LRCH3: variants seen among roughly 807,000 people sequenced by gnomAD.
LRCH3 encodes the protein leucine rich repeats and calponin homology domain containing 3, also known as DISP complex protein LRCH3.
LRCH3 carries 68 observed loss-of-function variants against 104.5 expected under a neutral mutation model. The ratio of observed to expected loss-of-function variants is 0.65; its 90% CI spans 0.54 to 0.80. The LOEUF is 0.80. Ranked by LOEUF, LRCH3 falls within the 30% of genes least tolerant of loss-of-function variation. LRCH3 has a pLI of 0.00. For synonymous variants in LRCH3, 344 were observed against 361.3 expected (o/e 0.95, Z 0.54); for missense variants, 951 against 953.9 (o/e 1.00, Z 0.04).
At chr3:197,798,521 G>A (rs1029728514) in intron 1 of LRCH3, among the ~76,000 whole-genome samples, 1 of 152,204 alleles carries the variant, frequency 6.6e-6, no homozygotes, top group Non-Finnish European at 1.5e-5. Flanking sequence ...GACATGTGGC[G>A]GGTGAGCCAA....
At chr3:197,819,925 G>T (rs931602956) in intron 3 of LRCH3, among the ~76,000 whole-genome samples, 1 of 152,050 alleles carries the variant, frequency 6.6e-6, no homozygotes, top group Non-Finnish European at 1.5e-5. Context: ...GCCCACGCTG[G>T]TCTGAAACTC....
intron 14 of LRCH3, among the ~76,000 whole-genome samples, chr3:197,855,051 C>CG (rs1393218143): frequency 2.6e-5 from 4 of 152,070 alleles, no homozygotes; most frequent in Admixed American, 2.0e-4. Flanking sequence ...ATTAGCCTTG[C>CG]GAAAGAATTC....
At chr3:197,799,599 G>GTTTTA (rs1731641873) in intron 1 of LRCH3, among the ~76,000 whole-genome samples, 1 of 152,156 alleles carries the variant, frequency 6.6e-6, no homozygotes. Context: ...AGGCGCGGTG[G>GTTTTA]CTCATGCCTG....
At chr3:197,817,890 G>C (rs187390136) in intron 3 of LRCH3, among the ~76,000 whole-genome samples, 8 of 152,160 alleles carry the variant, frequency 5.3e-5, no homozygotes, top group African/African-American at 1.9e-4. Flanking sequence ...GCGCAATCTC[G>C]GCTTACTGCA....
At chr3:197,875,266 A>G (rs1431168261) in intron 19 of LRCH3, among the ~76,000 whole-genome samples, 1 of 152,128 alleles carries the variant, frequency 6.6e-6, no homozygotes, top group Non-Finnish European at 1.5e-5. Flanking sequence ...ACTAACATTT[A>G]TTATCTGATC....
At chr3:197,811,441 A>G (rs943135432) in intron 1 of LRCH3, among the ~76,000 whole-genome samples, 1 of 151,900 alleles carries the variant, frequency 6.6e-6, no homozygotes, top group Non-Finnish European at 1.5e-5. Flanking sequence ...ATCCCTGGCC[A>G]TTTTCGCATT....
At position 197,883,339 on chromosome 3, in the gene LRCH3, A is replaced by G; in HGVS notation, c.2209-202A>G. On this transcript the variant is annotated intron_variant, in intron 20 of 20. Coordinates refer to ENST00000425562, the MANE Select transcript of LRCH3 (RefSeq NM_001365715.1). This position sits in a 1 kb window ranked among gnomAD's most constrained non-coding sequence, Gnocchi z 4.2. ...TTGAAAATGATCTGTATGTACTTTT[A>G]GTTGTATTAATAAAGTGACAGTGAG... The G allele has an allele frequency of 7.3e-7, 1 of 1,371,094 alleles. No homozygotes were observed. Among genetic ancestry groups the G allele is most frequent in the Non-Finnish European group, 9.4e-7 (1 of 1,062,788 alleles). 84.9% of individuals were successfully genotyped at this position (1,371,094 alleles called of 1,614,324 possible).
chr3:197,792,602 T>TAC (rs1730710434), intron 1 of LRCH3, among the ~76,000 whole-genome samples: 1 of 85,352 alleles, frequency 1.2e-5, no homozygotes, highest in African/African-American at 3.9e-5. Flanking sequence ...TATATATATA[T>TAC]ATAAAATATA....
At chr3:197,872,214 G>T (rs1712282525) in intron 19 of LRCH3, among the ~76,000 whole-genome samples, 1 of 151,932 alleles carries the variant, frequency 6.6e-6, no homozygotes, top group African/African-American at 2.4e-5. Context: ...AAAATCAGCT[G>T]GGTATGGTGG....
intron 2 of LRCH3, 120 bp from the exon 3 acceptor site, chr3:197,817,056 C>A: frequency 1.2e-6 from 1 of 839,558 alleles, no homozygotes; most frequent in Non-Finnish European, 1.8e-6. Flanking sequence ...AACTCCAGTA[C>A]CCTGTTTGTT....
intron 9 of LRCH3, 80 bp downstream of exon 9, chr3:197,835,902 C>A: frequency 6.9e-7 from 1 of 1,449,354 alleles, no homozygotes; most frequent in Non-Finnish European, 9.4e-7. Context: ...TTTGTTATAT[C>A]AGTGATTTGT....
At chr3:197,823,124 AT>A (rs36153375) in intron 4 of LRCH3, 94,295 of 121,794 alleles carry the variant, frequency 0.77, 37,298 homozygotes, top group East Asian at 0.93. Context: ...TGCCCAGTTA[AT>A]TTTTTTTTTT....
At chr3:197,817,971 C>T (rs1334733117) in intron 3 of LRCH3, among the ~76,000 whole-genome samples, 1 of 152,156 alleles carries the variant, frequency 6.6e-6, no homozygotes, top group Non-Finnish European at 1.5e-5. Context: ...CAGGCGCCCG[C>T]CACCATGCCT....
chr3:197,814,910 C>A lies in LRCH3; in HGVS notation c.265C>A (p.Leu89Met). The A allele has an allele frequency of 6.3e-7, 1 of 1,588,766 alleles. No individual in the cohort carries two copies. Among genetic ancestry groups the A allele is most frequent in the Non-Finnish European group, 8.5e-7 (1 of 1,171,810 alleles). ...ACCTAATTTAATTTTTCTTTTAGAC[C>A]TGTCGCGAAATCGCCTTTCAGAAAT... ...HDLTDTTRAD[L>M]SRNRLSEIPI... is the part of the protein sequence containing the mutation. Residue 89 changes from leucine to methionine, a missense_variant and splice_region_variant, in exon 2 of 21, where the codon CTG (leucine) becomes ATG (methionine). Coordinates refer to ENST00000425562, the MANE Select transcript of LRCH3 (RefSeq NM_001365715.1).
In LRCH3 at chr3:197,796,820, G is replaced by A. The variant is rs116685827; in HGVS notation, c.262+5280G>A. 9.6e-3 allele frequency among the ~76,000 whole-genome samples: 1,457 copies of A among 152,222 alleles called. 26 individuals are homozygous for A. Among genetic ancestry groups the A allele is most frequent in the African/African-American group, 0.034 (1,396 of 41,524 alleles). ...TGTGTTATTGATCAATAATTATACC[G>A]ACAAGTTGGTTTCCTGTAATTTCTT... On this transcript the variant is annotated intron_variant, in intron 1 of 20. Coordinates refer to ENST00000425562, the MANE Select transcript of LRCH3 (RefSeq NM_001365715.1).
At position 197,833,575 on chromosome 3, in the gene LRCH3, T is replaced by C. The variant is rs888132032; in HGVS notation, c.1102+1258T>C. 6.6e-5 allele frequency among the ~76,000 whole-genome samples: 10 copies of C among 152,180 alleles called. No individual in the cohort carries two copies. The East Asian group carries it at 1.2e-3, about 18-fold the overall frequency. On this transcript the variant is annotated intron_variant, in intron 8 of 20. Transcript: ENST00000425562. The stretch of plus-strand genomic sequence containing the variant: ...GAAATGTGGTTTTTCCAAATTGATA[T>C]GTATTGTAAGTATAAAATACACATC...
Position 197,868,835 on chromosome 3 carries a change from G to T in LRCH3, c.1874-1325G>T, listed in dbSNP as rs536915851. On this transcript the variant is annotated intron_variant, in intron 17 of 20. Transcript: ENST00000425562. The stretch of plus-strand genomic sequence containing the variant: ...CAGGGTGCGGTTTTGAGCACGTTGG[G>T]TACTTATGGGCAAGGAGCATGGAAG... Among the ~76,000 whole-genome samples, 7 of 152,308 alleles carry T rather than the reference G, an allele frequency of 4.6e-5. No homozygotes were observed. The East Asian group carries it at 7.7e-4, about 17-fold the overall frequency.
intron 4 of LRCH3, among the ~76,000 whole-genome samples, chr3:197,825,463 G>GTTTTTTT (rs1491060533): frequency 3.4e-5 from 1 of 29,400 alleles, no homozygotes; most frequent in African/African-American, 1.2e-4. Context: ...GATCCTCTTT[G>GTTTTTTT]ATTTTTTTTT....
chr3:197,816,918 G>A (rs968549699), intron 2 of LRCH3, among the ~76,000 whole-genome samples: 4 of 152,082 alleles, frequency 2.6e-5, no homozygotes, highest in African/African-American at 9.7e-5. Flanking sequence ...TTCTGCAAGA[G>A]CCCTATAAGA....
Sources: allele counts gnomAD v4.1 joint callset (sites outside exome capture counted in the v4.1 genomes callset), GRCh38; gene constraint gnomAD v4.1.1; non-coding constraint Gnocchi (gnomAD v3.1); transcripts MANE v1.5; gene names NCBI Gene and HGNC (gene_info 2026-07-23, HGNC 2026-07-21).